The following RAB6A variants were observed in gnomAD, a reference collection of about 807,000 sequenced individuals.
The protein encoded by RAB6A is RAB6A, member RAS oncogene family.
RAB6A carries 8 observed loss-of-function variants against 32.3 expected under a neutral mutation model. That is an observed-to-expected ratio of 0.25 (90% CI 0.15 to 0.45). The LOEUF is 0.45. RAB6A is among the 20% of genes least tolerant of loss of function. The probability of loss-of-function intolerance (pLI) is 1.00; values close to 1 mark genes in which losing one functional copy is unlikely to be tolerated. For missense variants in RAB6A, 104 were observed against 249.4 expected (o/e 0.42, Z 3.93); for synonymous variants, 73 against 82.1 (o/e 0.89, Z 0.60).
At chr11:73,698,047 C>G (rs1945682358) in intron 6 of RAB6A, among the ~76,000 whole-genome samples, 1 of 152,066 alleles carries the variant, frequency 6.6e-6, no homozygotes, top group Non-Finnish European at 1.5e-5. Flanking sequence ...TGGCAAAACT[C>G]CATCTCTACT....
intron 2 of RAB6A, among the ~76,000 whole-genome samples, chr11:73,728,610 A>AAAAAATAATAAT (rs1555063851): frequency 1.5e-5 from 2 of 136,484 alleles, no homozygotes; most frequent in Non-Finnish European, 3.1e-5. Context: ...GTCTTTGTTT[A>AAAAAATAATAAT]AATAATAATA....
chr11:73,711,328 G>A (rs1213775095), intron 5 of RAB6A, among the ~76,000 whole-genome samples: 1 of 152,144 alleles, frequency 6.6e-6, no homozygotes, highest in Non-Finnish European at 1.5e-5. Context: ...ATATACATCT[G>A]TATTTCTCTC....
intron 1 of RAB6A, among the ~76,000 whole-genome samples, chr11:73,733,653 AAC>A (rs1946351432): frequency 2.6e-5 from 4 of 152,044 alleles, no homozygotes; most frequent in Non-Finnish European, 5.9e-5. Context: ...AAAATATCCT[AAC>A]ATGTAAAATT....
intron 1 of RAB6A, among the ~76,000 whole-genome samples, chr11:73,759,055 G>C (rs193056673): frequency 1.3e-5 from 2 of 152,296 alleles, no homozygotes; most frequent in East Asian, 3.9e-4. Context: ...TTTTGCAAGA[G>C]TATTAACCTC....
At chr11:73,726,339 T>C (rs1385361287) in intron 2 of RAB6A, among the ~76,000 whole-genome samples, 1 of 149,474 alleles carries the variant, frequency 6.7e-6, no homozygotes, top group East Asian at 2.0e-4. Flanking sequence ...TCCCAGCACT[T>C]TGAGAGGCAG....
chr11:73,735,088 T>C (rs948004585), intron 1 of RAB6A, among the ~76,000 whole-genome samples: 7 of 152,324 alleles, frequency 4.6e-5, no homozygotes, highest in South Asian at 2.1e-4. Flanking sequence ...AGAAACAAAA[T>C]AGAAATTCTA....
At chr11:73,706,469 G>A (rs4261305) in intron 6 of RAB6A, among the ~76,000 whole-genome samples, 29,753 of 150,542 alleles carry the variant, frequency 0.2, 3,031 homozygotes, top group East Asian at 0.25. Context: ...AGCCGAGATC[G>A]CGCCACTGCA....
intron 6 of RAB6A, among the ~76,000 whole-genome samples, chr11:73,694,529 T>C (rs569556323): frequency 6.6e-6 from 1 of 152,318 alleles, no homozygotes; most frequent in South Asian, 2.1e-4. Flanking sequence ...TTTTGTAAAA[T>C]ACTAGTACAC....
chr11:73,713,020 CT>C (rs1167369913), intron 5 of RAB6A, among the ~76,000 whole-genome samples: 1 of 152,122 alleles, frequency 6.6e-6, no homozygotes, highest in Non-Finnish European at 1.5e-5. Flanking sequence ...CCAGATTTTT[CT>C]TTTACTATTA....
chr11:73,726,115 T>C, intron 2 of RAB6A, among the ~76,000 whole-genome samples: 1 of 151,514 alleles, frequency 6.6e-6, no homozygotes, highest in East Asian at 1.9e-4. Context: ...TGAAACCCCG[T>C]CTCTAGTAAA....
chr11:73,755,568 T>C (rs1013468192), intron 1 of RAB6A, among the ~76,000 whole-genome samples: 6 of 152,234 alleles, frequency 3.9e-5, no homozygotes, highest in African/African-American at 1.4e-4. Flanking sequence ...GCTGGGATTA[T>C]AGGCGTGAGC....
At position 73,694,394 on chromosome 11, in the gene RAB6A, T is replaced by G. The variant is rs533773628; in HGVS notation, c.495+13026A>C. On this transcript the variant is annotated intron_variant, in intron 6 of 7. Coordinates refer to ENST00000336083, the MANE Select transcript of RAB6A (RefSeq NM_198896.2). ...GACCAAATAAATGGCAGAGCTGAGA[T>G]TCCAAAGCTCGTATTTTTTATAATA... Among the ~76,000 whole-genome samples the G allele has an allele frequency of 1.7e-3, 260 of 152,318 alleles. 1 individual carries two copies. The highest frequency in any genetic ancestry group is 3.2e-3 in the Non-Finnish European group (217 of 68,028).
intron 6 of RAB6A, among the ~76,000 whole-genome samples, chr11:73,682,778 C>T (rs990629135): frequency 1.1e-4 from 17 of 152,162 alleles, no homozygotes; most frequent in African/African-American, 3.9e-4. Context: ...ATCCTCCCAC[C>T]TTGGCATTCC....
At chr11:73,685,289 T>C (rs1178110285) in intron 6 of RAB6A, among the ~76,000 whole-genome samples, 1 of 133,270 alleles carries the variant, frequency 7.5e-6, no homozygotes, top group Non-Finnish European at 1.7e-5. Flanking sequence ...AGAAAGTCTT[T>C]TTTTTTTTTT....
chr11:73,708,325 C>T (rs1945882800), intron 5 of RAB6A, among the ~76,000 whole-genome samples: 1 of 152,114 alleles, frequency 6.6e-6, no homozygotes, highest in African/African-American at 2.4e-5. Flanking sequence ...CCCACCACCA[C>T]ACCTGAATAA....
At chr11:73,700,290 A>T (rs1945719979) in intron 6 of RAB6A, among the ~76,000 whole-genome samples, 1 of 152,202 alleles carries the variant, frequency 6.6e-6, no homozygotes, top group African/African-American at 2.4e-5. Flanking sequence ...AAACAAAGTA[A>T]TACTTATGCA....
At chr11:73,731,481 T>C (rs1172420132) in intron 1 of RAB6A, among the ~76,000 whole-genome samples, 3 of 140,168 alleles carry the variant, frequency 2.1e-5, no homozygotes, top group African/African-American at 8.0e-5. Context: ...GAGATGGAGG[T>C]TGCAGTGAGC....
chr11:73,682,626 G>A (rs1295260676), intron 6 of RAB6A, among the ~76,000 whole-genome samples: 1 of 152,100 alleles, frequency 6.6e-6, no homozygotes, highest in East Asian at 1.9e-4. Flanking sequence ...TGGTGCCACT[G>A]CACTCCACCC....
chr11:73,678,795 G>A (rs1047285867), intron 7 of RAB6A, among the ~76,000 whole-genome samples: 6 of 150,456 alleles, frequency 4.0e-5, no homozygotes, highest in Non-Finnish European at 7.4e-5. Flanking sequence ...GCGTGATCTC[G>A]GCTCACTGCA....
Sources: gnomAD v4.1 joint callset for allele counts (sites outside exome capture counted in the v4.1 genomes callset) on GRCh38, gnomAD v4.1.1 for gene constraint, MANE v1.5 for transcripts, NCBI Gene and HGNC (gene_info 2026-07-23, HGNC 2026-07-21) for gene names.